ADAMTSL1: variants seen among roughly 807,000 people sequenced by gnomAD.
ADAMTSL1 encodes ADAMTS-like protein 1.
In ADAMTSL1, 126 loss-of-function variants were observed where a neutral mutation model predicts 201.8. The observed-to-expected ratio is 0.62, with a 90% CI of 0.54 to 0.72. ADAMTSL1 has a LOEUF of 0.72. ADAMTSL1 is among the 30% of genes least tolerant of loss of function. The probability of loss-of-function intolerance (pLI) is 0.00; values close to 1 mark genes in which losing one functional copy is unlikely to be tolerated. For synonymous variants in ADAMTSL1, 1,121 were observed against 903.4 expected (o/e 1.24, Z -4.32); for missense variants, 2,679 against 2,277.8 (o/e 1.18, Z -3.59).
intron 2 of ADAMTSL1, among the ~76,000 whole-genome samples, chr9:18,518,686 A>G (rs1402263495): frequency 6.6e-6 from 1 of 152,070 alleles, no homozygotes; most frequent in Non-Finnish European, 1.5e-5. Flanking sequence ...GCTAGGTTAA[A>G]TGGTAATATG....
chr9:18,172,327 GAA>G (rs1040488381), intron 2 of ADAMTSL1, among the ~76,000 whole-genome samples: 4 of 151,814 alleles, frequency 2.6e-5, no homozygotes, highest in African/African-American at 9.7e-5. Context: ...CAGCCCAATA[GAA>G]AAAAATGAAT....
intron 2 of ADAMTSL1, among the ~76,000 whole-genome samples, chr9:18,244,210 A>C (rs550926146): frequency 6.6e-6 from 1 of 152,076 alleles, no homozygotes; most frequent in South Asian, 2.1e-4. Flanking sequence ...ATCACCTGGC[A>C]ATGTTTGCCA....
intron 2 of ADAMTSL1, among the ~76,000 whole-genome samples, chr9:18,522,343 A>C (rs1818749204): frequency 6.6e-6 from 1 of 152,202 alleles, no homozygotes; most frequent in South Asian, 2.1e-4. Flanking sequence ...CAGAAAATGA[A>C]AAGAAGCTGA....
intron 1 of ADAMTSL1, among the ~76,000 whole-genome samples, chr9:18,142,983 G>T (rs1826464981): frequency 1.3e-5 from 2 of 152,152 alleles, no homozygotes; most frequent in Non-Finnish European, 2.9e-5. Flanking sequence ...ACACTAGTCT[G>T]GGTTTTGGAA....
At chr9:18,762,343 C>T (rs1330120256) in intron 16 of ADAMTSL1, among the ~76,000 whole-genome samples, 1 of 151,740 alleles carries the variant, frequency 6.6e-6, no homozygotes, top group Non-Finnish European at 1.5e-5. Flanking sequence ...AAGAAGTGGC[C>T]TTTAAAAAAA....
At chr9:18,831,602 T>C (rs768572102) in intron 23 of ADAMTSL1, among the ~76,000 whole-genome samples, 1 of 152,246 alleles carries the variant, frequency 6.6e-6, no homozygotes, top group African/African-American at 2.4e-5. Flanking sequence ...GTACTTTATG[T>C]TGCCACATTC....
chr9:18,857,448 G>A (rs896884955), intron 23 of ADAMTSL1, among the ~76,000 whole-genome samples: 1 of 152,240 alleles, frequency 6.6e-6, no homozygotes, highest in Admixed American at 6.5e-5. Flanking sequence ...TTTGAAATAT[G>A]TCCCTCAGAT....
intron 13 of ADAMTSL1, among the ~76,000 whole-genome samples, chr9:18,703,912 G>T (rs1388217151): frequency 6.6e-6 from 1 of 151,536 alleles, no homozygotes; most frequent in Admixed American, 6.6e-5. Context: ...AGTCTAGTTT[G>T]TGCATCATTT....
chr9:18,097,071 G>T (rs1226427247), intron 1 of ADAMTSL1, among the ~76,000 whole-genome samples: 1 of 152,038 alleles, frequency 6.6e-6, no homozygotes, highest in Non-Finnish European at 1.5e-5. Flanking sequence ...ACAGTCCCTT[G>T]TCCACCTTCC....
chr9:18,663,302 C>CA (rs1240976614), intron 9 of ADAMTSL1, among the ~76,000 whole-genome samples: 2 of 151,818 alleles, frequency 1.3e-5, no homozygotes, highest in Non-Finnish European at 2.9e-5. Context: ...ATTAAAAGAA[C>CA]AAAAAGAATA....
intron 1 of ADAMTSL1, among the ~76,000 whole-genome samples, chr9:18,059,124 A>G (rs1317217209): frequency 6.6e-6 from 1 of 152,100 alleles, no homozygotes; most frequent in African/African-American, 2.4e-5. Context: ...TTTTCCATCA[A>G]ATTCTGTGCT....
chr9:18,611,187 A>G (rs922700631), intron 4 of ADAMTSL1, among the ~76,000 whole-genome samples: 1 of 152,186 alleles, frequency 6.6e-6, no homozygotes, highest in Non-Finnish European at 1.5e-5. Context: ...TGTCACCACA[A>G]TTCACAAAGA....
At chr9:18,884,873 G>C (rs1045593849) in intron 23 of ADAMTSL1, among the ~76,000 whole-genome samples, 2 of 151,782 alleles carry the variant, frequency 1.3e-5, no homozygotes, top group African/African-American at 4.8e-5. Flanking sequence ...AGTTATTCTG[G>C]GTTTTTGATA....
intron 2 of ADAMTSL1, among the ~76,000 whole-genome samples, chr9:18,336,868 ACT>A (rs1369359783): frequency 4.6e-5 from 7 of 152,084 alleles, no homozygotes; most frequent in African/African-American, 1.7e-4. Flanking sequence ...GAGCAAAGAA[ACT>A]CTAATAATGA....
At chr9:18,853,524 T>C (rs1348930506) in intron 23 of ADAMTSL1, among the ~76,000 whole-genome samples, 2 of 152,230 alleles carry the variant, frequency 1.3e-5, no homozygotes, top group African/African-American at 4.8e-5. Flanking sequence ...TCAGAAATGC[T>C]GGTAATCATT....
chr9:18,045,894 T>A (rs533122885), intron 1 of ADAMTSL1, among the ~76,000 whole-genome samples: 10 of 152,264 alleles, frequency 6.6e-5, no homozygotes, highest in Non-Finnish European at 1.2e-4. Context: ...CAAAAAAAAT[T>A]TCCCTGTTCT....
At chr9:18,438,234 A>C (rs1819837219) in intron 2 of ADAMTSL1, among the ~76,000 whole-genome samples, 1 of 152,144 alleles carries the variant, frequency 6.6e-6, no homozygotes, top group South Asian at 2.1e-4. Context: ...GGAGAAAAAA[A>C]AAAAGGATAG....
intron 2 of ADAMTSL1, among the ~76,000 whole-genome samples, chr9:18,186,512 G>A (rs954664035): frequency 2.0e-5 from 3 of 152,042 alleles, no homozygotes; most frequent in Non-Finnish European, 4.4e-5. Context: ...ACTTCATTTT[G>A]CCGACTGTAG....
chr9:18,040,750 G>A (rs1821395063), intron 1 of ADAMTSL1, among the ~76,000 whole-genome samples: 1 of 151,806 alleles, frequency 6.6e-6, no homozygotes, highest in Admixed American at 6.6e-5. Flanking sequence ...TTTCTTTCTG[G>A]AAGCTAAGTG....
Sources: gnomAD v4.1 joint callset for allele counts (sites outside exome capture counted in the v4.1 genomes callset) on GRCh38, gnomAD v4.1.1 for gene constraint, MANE v1.5 for transcripts, NCBI Gene and HGNC (gene_info 2026-07-23, HGNC 2026-07-21) for gene names.